The following RYR3 variants were observed in gnomAD, a reference collection of about 807,000 sequenced individuals.
RYR3 encodes the protein brain ryanodine receptor-calcium release channel.
RYR3 carries 207 observed loss-of-function variants against 584.3 expected under a neutral mutation model. The ratio of observed to expected loss-of-function variants is 0.35; its 90% confidence interval spans 0.32 to 0.40. The LOEUF (loss-of-function observed/expected upper bound fraction) is 0.40. RYR3 is among the 10% of genes least tolerant of loss of function. The probability of loss-of-function intolerance (pLI) is 1.00; values close to 1 mark genes in which losing one functional copy is unlikely to be tolerated. For missense variants in RYR3, 5,616 were observed against 6,089.2 expected (o/e 0.92, Z 2.59); for synonymous variants, 2,416 against 2,248.5 (o/e 1.07, Z -2.11).
chr15:33,313,230 G>C, intron 1 of RYR3, among the ~76,000 whole-genome samples: 1 of 152,234 alleles, frequency 6.6e-6, no homozygotes, highest in South Asian at 2.1e-4. Context: ...GGAAATAGGT[G>C]ATGAAACTGA....
Position 33,633,071 on chromosome 15 carries a change from A to G in RYR3, c.2990A>G (p.Asp997Gly), listed in dbSNP as rs1330713690. 1 of 1,614,030 alleles carries G rather than the reference A, an allele frequency of 6.2e-7. No homozygotes were observed. The highest frequency in any genetic ancestry group is 8.5e-7 in the Non-Finnish European group (1 of 1,179,888). Residue 997 changes from aspartate to glycine, a missense_variant, in exon 24 of 104, where the codon GAC becomes GGC. Asp to Gly is a moderately conservative substitution (Grantham distance 94). Coordinates refer to ENST00000634891, the MANE Select transcript of RYR3 (RefSeq NM_001036.6). Reference sequence around the variant, plus strand: ...AATGCACACAATGTTTGGGCAAAAGACAGAATAAAACAAGGATGGACCTAT... The same window carrying G: ...AATGCACACAATGTTTGGGCAAAAGGCAGAATAAAACAAGGATGGACCTAT... ...AENAHNVWAKDRIKQGWTYGI... is the reference protein window; with the variant it reads ...AENAHNVWAKGRIKQGWTYGI...
Position 33,841,936 on chromosome 15 carries a change from A to C in RYR3, c.13110A>C (p.Thr4370=). 6.2e-7 allele frequency: 1 copy of C among 1,600,272 alleles called. No individual in the cohort carries two copies. Among genetic ancestry groups the C allele is most frequent in the East Asian group, 2.2e-5 (1 of 44,516 alleles). ...EQAEYLWTEV[T]KKKKRRCGQK... is the part of the protein sequence containing the mutation. Reference sequence around the variant, plus strand: ...CTGAGTACCTGTGGACAGAAGTGACAAAAAAGAAGAAGCGGCGGTGTGGTC... The same window carrying C: ...CTGAGTACCTGTGGACAGAAGTGACCAAAAAGAAGAAGCGGCGGTGTGGTC... Residue 4370 remains threonine (T), a synonymous_variant, in exon 91 of 104, where the codon ACA becomes ACC. Coordinates refer to ENST00000634891, the MANE Select transcript of RYR3 (RefSeq NM_001036.6).
chr15:33,435,783 G>A (rs2045658060), intron 1 of RYR3, among the ~76,000 whole-genome samples: 1 of 152,174 alleles, frequency 6.6e-6, no homozygotes, highest in African/African-American at 2.4e-5. Context: ...GCTCTTAAAG[G>A]TGGTGTGGAC....
At position 33,613,327 on chromosome 15, in the gene RYR3, A is replaced by T; in HGVS notation, c.2309A>T (p.Asn770Ile). The T allele has an allele frequency of 6.2e-7, 1 of 1,613,646 alleles. No individual in the cohort carries two copies. The highest frequency in any genetic ancestry group is 8.5e-7 in the Non-Finnish European group (1 of 1,179,646). ...GTGCAGGGGATGTTTGAGAACTTCAACACAGACGGGCTCTTCTTCCCTGTG... is the reference window on the plus strand; with the variant it reads ...GTGCAGGGGATGTTTGAGAACTTCATCACAGACGGGCTCTTCTTCCCTGTG... ...QPVQGMFENF[N>I]TDGLFFPVMS... The change falls in exon 19 of 104, where the codon AAC (asparagine) becomes ATC (isoleucine). Residue 770 changes from asparagine (N) to isoleucine (I), a missense_variant. Physicochemically the swap from Asn to Ile is moderately radical, Grantham distance 149 (BLOSUM62 -3). This residue lies in a region of RYR3 where 1,284 missense variants were observed against 1,344.6 expected (regional missense o/e 0.95). Coordinates refer to ENST00000634891, the MANE Select transcript of RYR3 (RefSeq NM_001036.6).
In RYR3 at chr15:33,644,363, C is replaced by T. The variant is rs549685153; in HGVS notation, c.3609C>T (p.Leu1203=). The part of the protein sequence containing the change: ...LGLSQIGRMN[L]GTDASTFKFY... The stretch of plus-strand genomic sequence containing the variant: ...TATCTCAGATCGGCCGCATGAATCT[C>T]GGGACAGATGCCAGTACCTTCAAGT... The change falls in exon 28 of 104, where the codon CTC becomes CTT. Residue 1203 remains leucine (L), a synonymous_variant. Coordinates refer to ENST00000634891, the MANE Select transcript of RYR3 (RefSeq NM_001036.6). 1.9e-4 allele frequency: 299 copies of T among 1,613,154 alleles called. 1 individual carries two copies. In the Admixed American group the frequency reaches 2.2e-3, roughly 12 times the overall value.
rs372773442 is a variant in RYR3 at position 33,533,141 on chromosome 15, A to C, written c.355-170A>C. The stretch of plus-strand genomic sequence containing the variant: ...CTAAAAATAATAATAATAATTAAAA[A>C]TGAAAGTATTGTATTAAGGCATTTA... On this transcript the variant is annotated intron_variant, in intron 4 of 103. Coordinates refer to ENST00000634891, the MANE Select transcript of RYR3 (RefSeq NM_001036.6). 1.1e-3 allele frequency among the ~76,000 whole-genome samples: 161 copies of C among 152,334 alleles called. 8 individuals are homozygous for C. In the South Asian group the frequency reaches 0.033, roughly 31 times the overall value.
At chr15:33,435,718 G>A (rs996090186) in intron 1 of RYR3, among the ~76,000 whole-genome samples, 2 of 152,162 alleles carry the variant, frequency 1.3e-5, no homozygotes, top group African/African-American at 4.8e-5. Flanking sequence ...CCTCCCGGTA[G>A]GTTCCTGGTC....
intron 25 of RYR3, 75 bp downstream of exon 25, chr15:33,634,808 A>G: frequency 7.9e-7 from 1 of 1,265,294 alleles, no homozygotes; most frequent in Non-Finnish European, 1.1e-6. Context: ...CTAACTTCAA[A>G]TAGGTCTAAC....
Position 33,816,775 on chromosome 15 carries a change from G to A in RYR3, c.10503-87G>A. The A allele has an allele frequency of 3.8e-6, 3 of 794,006 alleles. No individual in the cohort carries two copies. The South Asian group carries it at 5.2e-5, about 14-fold the overall frequency. 49.2% of individuals were successfully genotyped at this position (794,006 alleles called of 1,614,324 possible). Reference sequence around the variant, plus strand: ...GAAGACAAGAATTGTACAAAAGTCTGTCCTGCTTACTAACCATTAACTGCC... The same window carrying A: ...GAAGACAAGAATTGTACAAAAGTCTATCCTGCTTACTAACCATTAACTGCC... On this transcript the variant is annotated intron_variant, in intron 74 of 103. Transcript: ENST00000634891.
At chr15:33,860,770 C>CAATAGGTTTTACTATTACTTAG in intron 101 of RYR3, 111 bp downstream of exon 101, 1 of 872,748 alleles carries the variant, frequency 1.1e-6, no homozygotes, top group African/African-American at 1.7e-5. Flanking sequence ...TAAGCAAGAA[C>CAATAGGTTTTACTATTACTTAG]GCAGTTTGTT....
intron 38 of RYR3, among the ~76,000 whole-genome samples, chr15:33,687,833 A>G (rs907651390): frequency 6.6e-6 from 1 of 152,236 alleles, no homozygotes; most frequent in African/African-American, 2.4e-5. Flanking sequence ...TATTTAATAA[A>G]TGGTGCTGGG....
At chr15:33,744,176 C>G (rs1311311017) in intron 52 of RYR3, among the ~76,000 whole-genome samples, 1 of 152,196 alleles carries the variant, frequency 6.6e-6, no homozygotes, top group Non-Finnish European at 1.5e-5. Flanking sequence ...AATATCACTC[C>G]AAGCATGAAT....
At chr15:33,382,387 A>C (rs2041260716) in intron 1 of RYR3, among the ~76,000 whole-genome samples, 1 of 132,632 alleles carries the variant, frequency 7.5e-6, no homozygotes. Context: ...ACAGTGGCAC[A>C]GTCTTGGCTC....
At chr15:33,621,864 T>C (rs547408259) in intron 19 of RYR3, among the ~76,000 whole-genome samples, 1 of 152,318 alleles carries the variant, frequency 6.6e-6, no homozygotes, top group African/African-American at 2.4e-5. Context: ...GAGAATATCT[T>C]GTAAGGCTGC....
At chr15:33,581,061 G>C (rs781714625) in intron 13 of RYR3, among the ~76,000 whole-genome samples, 1 of 151,598 alleles carries the variant, frequency 6.6e-6, no homozygotes. Flanking sequence ...GGGTGGGGAG[G>C]TAGGAAGCAA....
rs2077860762 is a variant in RYR3 at position 33,834,021 on chromosome 15, C to T, written c.11464-947C>T. The stretch of plus-strand genomic sequence containing the variant: ...TATTGACCGCGCACTGTGGCTCATG[C>T]CTGTACTCCCAGCACTTTGAGAGGC... On this transcript the variant is annotated intron_variant, in intron 86 of 103. Transcript: ENST00000634891. 4.6e-5 allele frequency among the ~76,000 whole-genome samples: 7 copies of T among 152,194 alleles called. No individual in the cohort carries two copies. In the South Asian group the frequency reaches 1.5e-3, roughly 32 times the overall value.
intron 1 of RYR3, among the ~76,000 whole-genome samples, chr15:33,423,394 C>G (rs1318086883): frequency 9.2e-5 from 14 of 152,090 alleles, no homozygotes; most frequent in Admixed American, 9.2e-4. Context: ...TTTTGTTTAT[C>G]CATTTATCTG....
At chr15:33,318,528 G>A (rs1042404248) in intron 1 of RYR3, among the ~76,000 whole-genome samples, 1 of 152,182 alleles carries the variant, frequency 6.6e-6, no homozygotes, top group Non-Finnish European at 1.5e-5. Flanking sequence ...AGCACATGAG[G>A]GCATTGCTGA....
At chr15:33,348,226 A>G (rs1335228708) in intron 1 of RYR3, among the ~76,000 whole-genome samples, 1 of 152,214 alleles carries the variant, frequency 6.6e-6, no homozygotes, top group African/African-American at 2.4e-5. Context: ...TCTAGTATAC[A>G]TAGATAGCTG....
Sources: gnomAD v4.1 joint callset for allele counts (sites outside exome capture counted in the v4.1 genomes callset) on GRCh38, gnomAD v4.1.1 for gene constraint, gnomAD v4.1.1 regional missense constraint, MANE v1.5 for transcripts, NCBI Gene and HGNC (gene_info 2026-07-23, HGNC 2026-07-21) for gene names.